The following TIRAP variants were observed in gnomAD, a reference collection of about 807,000 sequenced individuals.
The protein encoded by TIRAP is toll/interleukin-1 receptor domain-containing adapter protein.
Under a neutral mutation model 19.8 loss-of-function variants are expected in TIRAP, and 20 were observed. That is an observed-to-expected ratio of 1.01 (90% CI 0.71 to 1.47). The LOEUF (loss-of-function observed/expected upper bound fraction) is 1.47, where lower values mean the gene tolerates loss of function less well. Among genes scored for constraint, TIRAP ranks in the 40% most tolerant of loss-of-function variants. The pLI is 0.00. For missense variants in TIRAP, 276 were observed against 285.1 expected (o/e 0.97, Z 0.23); for synonymous variants, 125 against 121.7 (o/e 1.03, Z -0.18).
rs1318582491 is a variant in TIRAP at position 126,291,812 on chromosome 11, G to A, written c.68-665G>A. Among the ~76,000 whole-genome samples the A allele has an allele frequency of 6.6e-6, 1 of 151,936 alleles. No homozygotes were observed. The highest frequency in any genetic ancestry group is 2.4e-5 in the African/African-American group (1 of 41,244). On this transcript the variant is annotated intron_variant, in intron 3 of 4. Coordinates refer to ENST00000392679, the MANE Select transcript of TIRAP (RefSeq NM_001318777.2). This position sits in a 1 kb window ranked among gnomAD's most constrained non-coding sequence, Gnocchi z 5.6. Reference sequence around the variant, plus strand: ...CTCTGCCTGCAGACTCCCGGTGGTTGACTAGTCAGCTCTAGTGGGAAGTTC... The same window carrying A: ...CTCTGCCTGCAGACTCCCGGTGGTTAACTAGTCAGCTCTAGTGGGAAGTTC...
Position 126,287,148 on chromosome 11 carries a change from T to C in TIRAP, c.-216-3314T>C, listed in dbSNP as rs562945557. ...TCCGGGGATTAGGATGTGGGCCTCTTTGTGGGCCACTATTCTGTCTACCCC... is the reference window on the plus strand; with the variant it reads ...TCCGGGGATTAGGATGTGGGCCTCTCTGTGGGCCACTATTCTGTCTACCCC... On this transcript the variant is annotated intron_variant, in intron 1 of 4. Transcript: ENST00000392679. The surrounding 1 kb of genome is among the most constrained non-coding windows in gnomAD (Gnocchi z 4.2). Among the ~76,000 whole-genome samples the C allele has an allele frequency of 6.6e-6, 1 of 152,272 alleles. No individual in the cohort carries two copies. The highest frequency in any genetic ancestry group is 2.4e-5 in the African/African-American group (1 of 41,548).
At chr11:126,293,107 A>G (rs1237889453) in intron 4 of TIRAP, 52 bp downstream of exon 4, 13 of 1,611,748 alleles carry the variant, frequency 8.1e-6, no homozygotes, top group Non-Finnish European at 8.5e-6. Context: ...ACAGTATCTG[A>G]TCTACTTTGA....
At chr11:126,289,965 G>T (rs8177365) in intron 1 of TIRAP, 66,419 of 327,198 alleles carry the variant, frequency 0.2, 7,775 homozygotes, top group Non-Finnish European at 0.23. Flanking sequence ...CTGAATTAAT[G>T]ATCAGTTTGG....
chr11:126,291,452 A>T lies in TIRAP; in HGVS notation c.67+491A>T. On this transcript the variant is annotated intron_variant, in intron 3 of 4. Transcript: ENST00000392679. This position sits in a 1 kb window ranked among gnomAD's most constrained non-coding sequence, Gnocchi z 5.6. ...TGGTTCAGGCAGACCCTGCTGAAGA[A>T]GCCCAAGAAGAGGCCCGGCTCCCTG... The T allele has an allele frequency of 7.5e-7, 1 of 1,325,428 alleles. No homozygotes were observed. Among genetic ancestry groups the T allele is most frequent in the South Asian group, 1.2e-5 (1 of 83,570 alleles). The allele number at this position is 1,325,428 out of a possible 1,614,324, so 82.1% of individuals were successfully genotyped here.
Position 126,290,463 on chromosome 11 carries a change from C to A in TIRAP, c.-215C>A, listed in dbSNP as rs948841955. ...ACTGTCCTTCTTCTGCCATTTCAGGCCTTACATAGGAAGTCCTTCTAAAGA... is the reference window on the plus strand; with the variant it reads ...ACTGTCCTTCTTCTGCCATTTCAGGACTTACATAGGAAGTCCTTCTAAAGA... On this transcript the variant is annotated splice_region_variant and 5_prime_UTR_variant, in exon 2 of 5. Coordinates refer to ENST00000392679, the MANE Select transcript of TIRAP (RefSeq NM_001318777.2). This position sits in a 1 kb window ranked among gnomAD's most constrained non-coding sequence, Gnocchi z 4.9. 18 of 992,404 alleles carry A rather than the reference C, an allele frequency of 1.8e-5. No homozygotes were observed. Among genetic ancestry groups the A allele is most frequent in the Middle Eastern group, 5.1e-4 (1 of 1,958 alleles). 61.5% of individuals were successfully genotyped at this position (992,404 alleles called of 1,614,324 possible). A position where few individuals can be genotyped will look rare whatever the true frequency, so the allele number is the denominator to read the frequency against.
At position 126,293,751 on chromosome 11, in the gene TIRAP, G is replaced by C. The variant is rs1442533135; in HGVS notation, c.*64G>C. The C allele has an allele frequency of 1.0e-5, 16 of 1,572,962 alleles. No individual in the cohort carries two copies. Among genetic ancestry groups the C allele is most frequent in the Non-Finnish European group, 1.4e-5 (16 of 1,142,662 alleles). On this transcript the variant is annotated 3_prime_UTR_variant, in exon 5 of 5. Transcript: ENST00000392679. Reference sequence around the variant, plus strand: ...GCTAGAAACAGAAAACCCATGCAGGGCCTCGGATTCCCACAAATGTGACAA... The same window carrying C: ...GCTAGAAACAGAAAACCCATGCAGGCCCTCGGATTCCCACAAATGTGACAA...
At chr11:126,286,618 CA>C (rs1003039035) in intron 1 of TIRAP, among the ~76,000 whole-genome samples, 13 of 152,182 alleles carry the variant, frequency 8.5e-5, no homozygotes, top group East Asian at 5.8e-4. Flanking sequence ...AAGTCAAAGT[CA>C]GGTGAAGTAT....
chr11:126,291,015 C>G lies in TIRAP; in HGVS notation c.67+54C>G. 1 of 1,552,070 alleles carries G rather than the reference C, an allele frequency of 6.4e-7. No homozygotes were observed. The highest frequency in any genetic ancestry group is 8.7e-7 in the Non-Finnish European group (1 of 1,147,574). On this transcript the variant is annotated intron_variant, in intron 3 of 4. Coordinates refer to ENST00000392679, the MANE Select transcript of TIRAP (RefSeq NM_001318777.2). This position sits in a 1 kb window ranked among gnomAD's most constrained non-coding sequence, Gnocchi z 5.6. Reference sequence around the variant, plus strand: ...TGTGTTCCTGAGTGTAGTGCTCAGCCTCCATAGGGCGCGGTGGGAGGCCTG... The same window carrying G: ...TGTGTTCCTGAGTGTAGTGCTCAGCGTCCATAGGGCGCGGTGGGAGGCCTG...
In TIRAP at chr11:126,294,629, A is replaced by G. The variant is rs1305062917; in HGVS notation, c.*942A>G. 4.5e-6 allele frequency: 2 copies of G among 449,298 alleles called. No homozygotes were observed. Among genetic ancestry groups the G allele is most frequent in the Non-Finnish European group, 8.9e-6 (2 of 224,084 alleles). 27.8% of individuals were successfully genotyped at this position (449,298 alleles called of 1,614,324 possible). ...TTATAGGACAGGCAAGGTTTCATTC[A>G]TCTGTTCTCAGTAAGTTTGTTGTTG... On this transcript the variant is annotated 3_prime_UTR_variant, in exon 5 of 5. Coordinates refer to ENST00000392679, the MANE Select transcript of TIRAP (RefSeq NM_001318777.2).
In TIRAP at chr11:126,290,411, GA is replaced by G; in HGVS notation, c.-216-50del. Reference sequence around the variant, plus strand: ...CTACTGTTCAGCTTCTGTCTATCTGGATACATAATTATTTGTCCAAATAGCA... The same window carrying G: ...CTACTGTTCAGCTTCTGTCTATCTGGTACATAATTATTTGTCCAAATAGCA... On this transcript the variant is annotated intron_variant, in intron 1 of 4. Transcript: ENST00000392679. The surrounding 1 kb of genome is among the most constrained non-coding windows in gnomAD (Gnocchi z 4.9). 1.0e-6 allele frequency: 1 copy of G among 987,134 alleles called. No homozygotes were observed. The highest frequency in any genetic ancestry group is 1.2e-6 in the Non-Finnish European group (1 of 830,990). 61.1% of individuals were successfully genotyped at this position (987,134 alleles called of 1,614,324 possible). A position where few individuals can be genotyped will look rare whatever the true frequency, so the allele number is the denominator to read the frequency against.
intron 1 of TIRAP, among the ~76,000 whole-genome samples, chr11:126,284,033 CTTTTTTTTTTT>C (rs749115228): frequency 8.8e-6 from 1 of 113,202 alleles, no homozygotes; most frequent in Non-Finnish European, 1.7e-5. Context: ...TCATGTACTT[CTTTTTTTTTTT>C]TTTTTTTTTG....
rs773053552 is a variant in TIRAP at position 126,292,978 on chromosome 11, A to T, written c.569A>T (p.Glu190Val). 1.2e-5 allele frequency: 20 copies of T among 1,614,002 alleles called. No individual in the cohort carries two copies. Among genetic ancestry groups the T allele is most frequent in the Non-Finnish European group, 1.6e-5 (19 of 1,180,004 alleles). The change falls in exon 4 of 5, where the codon GAG (glutamate) becomes GTG (valine). Residue 190 changes from glutamate (E) to valine (V), a missense_variant. Coordinates refer to ENST00000392679, the MANE Select transcript of TIRAP (RefSeq NM_001318777.2). ...CTCAGCAGAGCTGCCTACCCACCTG[A>T]GCTCCGATTCATGTACTACGTCGAT... ...SGLSRAAYPPELRFMYYVDGR... is the reference protein window; with the variant it reads ...SGLSRAAYPPVLRFMYYVDGR...
chr11:126,285,254 T>TATATATATATATA (rs1951307344), intron 1 of TIRAP, among the ~76,000 whole-genome samples: 1 of 146,716 alleles, frequency 6.8e-6, no homozygotes, highest in Non-Finnish European at 1.5e-5. Flanking sequence ...TATATATATA[T>TATATATATATATA]ATATATAATA....
rs758051128 is a variant in TIRAP at position 126,292,472 on chromosome 11, C to A, written c.68-5C>A. The A allele has an allele frequency of 1.2e-6, 2 of 1,613,548 alleles. No individual in the cohort carries two copies. The highest frequency in any genetic ancestry group is 1.7e-5 in the Admixed American group (1 of 59,970). ...ACAGGCCTGAGCAGTGTTTCTCCCC[C>A]ACAGACTGGTTCAGGCAGACCCTGC... On this transcript the variant is annotated splice_polypyrimidine_tract_variant and splice_region_variant and intron_variant, in intron 3 of 4. Transcript: ENST00000392679.
At position 126,291,020 on chromosome 11, in the gene TIRAP, TAGGG is replaced by T; in HGVS notation, c.67+60_67+63del. 1 of 1,541,878 alleles carries T rather than the reference TAGGG, an allele frequency of 6.5e-7. No individual in the cohort carries two copies. Among genetic ancestry groups the T allele is most frequent in the South Asian group, 1.2e-5 (1 of 84,038 alleles). ...TCCTGAGTGTAGTGCTCAGCCTCCA[TAGGG>T]CGCGGTGGGAGGCCTGCCTGGTCCA... On this transcript the variant is annotated intron_variant, in intron 3 of 4. Coordinates refer to ENST00000392679, the MANE Select transcript of TIRAP (RefSeq NM_001318777.2). This position sits in a 1 kb window ranked among gnomAD's most constrained non-coding sequence, Gnocchi z 5.6.
Position 126,294,389 on chromosome 11 carries a change from G to C in TIRAP, c.*702G>C, listed in dbSNP as rs1951446933. On this transcript the variant is annotated 3_prime_UTR_variant, in exon 5 of 5. Coordinates refer to ENST00000392679, the MANE Select transcript of TIRAP (RefSeq NM_001318777.2). ...AACCTAGAAGCCTAGAGGCCATTCT[G>C]AATATGGGGGTGGGGTGGTGGAGGG... 1 of 393,490 alleles carries C rather than the reference G, an allele frequency of 2.5e-6. No homozygotes were observed. The allele number at this position is 393,490 out of a possible 1,614,324, so 24.4% of individuals were successfully genotyped here. A position where few individuals can be genotyped will look rare whatever the true frequency, so the allele number is the denominator to read the frequency against.
chr11:126,286,615 A>G (rs754667940), intron 1 of TIRAP, among the ~76,000 whole-genome samples: 1 of 152,262 alleles, frequency 6.6e-6, no homozygotes, highest in Non-Finnish European at 1.5e-5. Context: ...GTAAAGTCAA[A>G]GTCAGGTGAA....
intron 1 of TIRAP, among the ~76,000 whole-genome samples, chr11:126,285,243 G>GTGTGTGTATATATGTATATA: frequency 9.3e-6 from 1 of 106,976 alleles, no homozygotes; most frequent in Non-Finnish European, 1.9e-5. Context: ...GTGTGTGTGT[G>GTGTGTGTATATATGTATATA]TATATATATA....
Position 126,291,065 on chromosome 11 carries a change from A to T in TIRAP, c.67+104A>T. On this transcript the variant is annotated intron_variant, in intron 3 of 4. Coordinates refer to ENST00000392679, the MANE Select transcript of TIRAP (RefSeq NM_001318777.2). The surrounding 1 kb of genome is among the most constrained non-coding windows in gnomAD (Gnocchi z 5.6). ...GCCTGGTCCAAACTCAGAGAGACGCAGGAAGGCTGACGTGGGGAACTCCTG... is the reference window on the plus strand; with the variant it reads ...GCCTGGTCCAAACTCAGAGAGACGCTGGAAGGCTGACGTGGGGAACTCCTG... 1 of 1,381,456 alleles carries T rather than the reference A, an allele frequency of 7.2e-7. No homozygotes were observed. The highest frequency in any genetic ancestry group is 9.8e-7 in the Non-Finnish European group (1 of 1,025,216). The allele number at this position is 1,381,456 out of a possible 1,614,324, so 85.6% of individuals were successfully genotyped here.
Sources: allele counts gnomAD v4.1 joint callset (sites outside exome capture counted in the v4.1 genomes callset), GRCh38; gene constraint gnomAD v4.1.1; non-coding constraint Gnocchi (gnomAD v3.1); transcripts MANE v1.5; gene names NCBI Gene and HGNC (gene_info 2026-07-23, HGNC 2026-07-21).